The following BLTP1 variants were observed in gnomAD, a reference collection of about 807,000 sequenced individuals.
The protein encoded by BLTP1 is fragile site-associated protein.
the BLTP1 span, chr4:122,226,896 T>C: frequency 7.6e-7 from 1 of 1,308,344 alleles, no homozygotes; most frequent in East Asian, 2.7e-5. Flanking sequence ...AAATGGAATA[T>C]TGAGATATCA....
chr4:122,230,667 G>C, the BLTP1 span, among the ~76,000 whole-genome samples: 1 of 151,982 alleles, frequency 6.6e-6, no homozygotes, highest in South Asian at 2.1e-4. Flanking sequence ...CTATTTCCTT[G>C]GTCCTTAGGA....
chr4:122,215,304 AC>A, the BLTP1 span: 2 of 900,128 alleles, frequency 2.2e-6, no homozygotes, highest in Admixed American at 1.2e-4. Context: ...GTAATAATCT[AC>A]AGGAATCTAA....
At chr4:122,337,702 G>T in the BLTP1 span, among the ~76,000 whole-genome samples, 3 of 151,704 alleles carry the variant, frequency 2.0e-5, no homozygotes, top group African/African-American at 7.3e-5. Context: ...CAGATATAAA[G>T]TGTAATTGAG....
At chr4:122,246,922 A>G in the BLTP1 span, 1 of 1,478,208 alleles carries the variant, frequency 6.8e-7, no homozygotes, top group Non-Finnish European at 9.0e-7. Flanking sequence ...GTTAAAACTC[A>G]GAACTGGTTT....
the BLTP1 span, chr4:122,263,554 A>T: frequency 6.2e-7 from 1 of 1,612,714 alleles, no homozygotes; most frequent in Non-Finnish European, 8.5e-7. Context: ...GAAGTGTGTT[A>T]CAAGAATCTC....
the BLTP1 span, chr4:122,305,534 C>A: frequency 1.0e-6 from 1 of 984,652 alleles, no homozygotes; most frequent in South Asian, 4.7e-5. Context: ...AAAACTGAAT[C>A]GCTGCATTAA....
At chr4:122,227,181 A>G in the BLTP1 span, 20 of 1,007,086 alleles carry the variant, frequency 2.0e-5, no homozygotes, top group Non-Finnish European at 2.4e-5. Flanking sequence ...AGAAGGTTGA[A>G]TTCTTCACAT....
At chr4:122,325,866 A>G in the BLTP1 span, 1 of 1,142,072 alleles carries the variant, frequency 8.8e-7, no homozygotes, top group Admixed American at 3.1e-5. Context: ...TGAAAAATAC[A>G]GTATGGGGAA....
chr4:122,265,132 G>A, the BLTP1 span, among the ~76,000 whole-genome samples: 1 of 152,084 alleles, frequency 6.6e-6, no homozygotes, highest in Non-Finnish European at 1.5e-5. Context: ...CTCTCCCTCA[G>A]TATTCAAGGG....
chr4:122,289,842 TA>T, the BLTP1 span: 1 of 958,256 alleles, frequency 1.0e-6, no homozygotes, highest in Non-Finnish European at 1.2e-6. Flanking sequence ...ATGAAGTATC[TA>T]GGTATTCACT....
the BLTP1 span, among the ~76,000 whole-genome samples, chr4:122,159,492 T>C: frequency 6.6e-6 from 1 of 152,046 alleles, no homozygotes; most frequent in African/African-American, 2.4e-5. Context: ...ATTTTACTTA[T>C]TGTAAGGAAT....
the BLTP1 span, chr4:122,314,224 T>G: frequency 1.7e-6 from 1 of 575,672 alleles, no homozygotes; most frequent in Non-Finnish European, 2.2e-6. Flanking sequence ...TAATGTAACA[T>G]GAATCATGAT....
At chr4:122,222,997 T>A in the BLTP1 span, 1 of 946,642 alleles carries the variant, frequency 1.1e-6, no homozygotes, top group Non-Finnish European at 1.3e-6. Flanking sequence ...TCATAAAAAT[T>A]TTATACTGAG....
At chr4:122,272,444 A>G in the BLTP1 span, 1 of 1,494,936 alleles carries the variant, frequency 6.7e-7, no homozygotes, top group Admixed American at 1.8e-5. Flanking sequence ...ATGTATACAT[A>G]ATAATTAGTG....
the BLTP1 span, chr4:122,208,275 GT>G: frequency 1.5e-6 from 1 of 653,042 alleles, no homozygotes; most frequent in Non-Finnish European, 1.9e-6. Flanking sequence ...CATTAGGAAA[GT>G]GAGGAACAGA....
At chr4:122,175,225 T>C in the BLTP1 span, 3 of 984,858 alleles carry the variant, frequency 3.0e-6, no homozygotes, top group Non-Finnish European at 3.6e-6. Context: ...TGCTAGAGTT[T>C]GGCAGTGCTC....
At chr4:122,336,780 G>T in the BLTP1 span, 143 of 1,326,288 alleles carry the variant, frequency 1.1e-4, no homozygotes, top group Non-Finnish European at 1.3e-4. Flanking sequence ...GTTTCCGGGT[G>T]TTCATACCTT....
At chr4:122,192,197 A>G in the BLTP1 span, 326,052 of 1,593,778 alleles carry the variant, frequency 0.2, 36,781 homozygotes, top group Non-Finnish European at 0.22. Context: ...ATTTTAAATA[A>G]CTGCCTTTAT....
chr4:122,343,251 A>ATG, the BLTP1 span: 129 of 500,810 alleles, frequency 2.6e-4, no homozygotes, highest in African/African-American at 2.5e-3. Flanking sequence ...TCTTTATTTC[A>ATG]GTTTTAAGGA....
Sources: allele counts gnomAD v4.1 joint callset (sites outside exome capture counted in the v4.1 genomes callset), GRCh38; gene constraint gnomAD v4.1.1; transcripts MANE v1.5; gene names NCBI Gene and HGNC (gene_info 2026-07-23, HGNC 2026-07-21).